Variants in SLC17A1 observed in about 807,000 individuals in gnomAD.
SLC17A1 encodes the protein solute carrier family 17 member 1.
Under a neutral mutation model 53.5 loss-of-function variants are expected in SLC17A1, and 51 were observed. The observed-to-expected ratio is 0.95, with a 90% CI of 0.76 to 1.20. The LOEUF (loss-of-function observed/expected upper bound fraction) is 1.20, where lower values mean the gene tolerates loss of function less well. Ranked by LOEUF, SLC17A1 falls within the 50% of genes most tolerant of loss-of-function variation. SLC17A1 has a pLI of 0.00. For missense variants in SLC17A1, 538 were observed against 568.2 expected, an observed-to-expected ratio of 0.95 and a Z score of 0.54; for synonymous variants, 179 against 198.8, an observed-to-expected ratio of 0.90 and a Z score of 0.84.
the SLC17A1 span, chr6:25,776,697 A>G: frequency 1.4e-5 from 22 of 1,613,856 alleles, no homozygotes; most frequent in Non-Finnish European, 1.9e-5. Flanking sequence ...CCTCAGACTC[A>G]TCACCATCAG....
intron 11 of SLC17A1, among the ~76,000 whole-genome samples, chr6:25,799,722 C>G (rs141592437): frequency 2.9e-4 from 44 of 152,298 alleles, no homozygotes; most frequent in African/African-American, 1.0e-3. Flanking sequence ...AACCACATTT[C>G]CTTCCACATC....
downstream of SLC17A1, chr6:25,782,833 A>G (rs1000216617): frequency 9.2e-5 from 14 of 152,192 alleles, no homozygotes; most frequent in African/African-American, 3.1e-4. Context: ...ATCTCCTAAA[A>G]TTTTGCACTA....
the SLC17A1 span, among the ~76,000 whole-genome samples, chr6:25,753,281 G>A: frequency 6.6e-6 from 1 of 152,150 alleles, no homozygotes; most frequent in Non-Finnish European, 1.5e-5. Flanking sequence ...ATTTAGTGAG[G>A]GAAGGACAGC....
downstream of SLC17A1, chr6:25,781,264 AAAAC>A (rs965937200): frequency 2.0e-5 from 3 of 152,034 alleles, no homozygotes; most frequent in Non-Finnish European, 4.4e-5. Context: ...AGAGGAAAGA[AAAAC>A]AAAAGAAAGA....
chr6:25,773,217 G>A, the SLC17A1 span: 1 of 1,342,420 alleles, frequency 7.4e-7, no homozygotes, highest in Middle Eastern at 1.8e-4. Flanking sequence ...TCATCTTAGA[G>A]TCAAACTGAA....
the SLC17A1 span, chr6:25,727,302 G>A: frequency 1.3e-5 from 21 of 1,573,988 alleles, no homozygotes; most frequent in South Asian, 2.4e-5. Flanking sequence ...AGCCTGCTAA[G>A]TAAACGTCAT....
At chr6:25,768,752 T>C in the SLC17A1 span, among the ~76,000 whole-genome samples, 1 of 152,180 alleles carries the variant, frequency 6.6e-6, no homozygotes, top group Admixed American at 6.5e-5. Flanking sequence ...CCCCTAATGC[T>C]TGTTCTGACC....
chr6:25,809,012 A>G (rs1440900195), intron 10 of SLC17A1, among the ~76,000 whole-genome samples: 2 of 152,004 alleles, frequency 1.3e-5, no homozygotes, highest in African/African-American at 4.8e-5. Flanking sequence ...GTCCATCAAC[A>G]GATGATTGGA....
chr6:25,727,226 A>G, the SLC17A1 span: 1 of 1,613,964 alleles, frequency 6.2e-7, no homozygotes, highest in Middle Eastern at 1.7e-4. Context: ...TACTGCCGGG[A>G]GAGCTGGCTA....
the SLC17A1 span, among the ~76,000 whole-genome samples, chr6:25,766,927 A>T: frequency 3.9e-5 from 6 of 152,236 alleles, no homozygotes; most frequent in African/African-American, 1.2e-4. Context: ...CAGAAAAAGG[A>T]CATTAGTTAA....
At chr6:25,803,035 C>T (rs1439365665) in intron 10 of SLC17A1, among the ~76,000 whole-genome samples, 18 of 147,200 alleles carry the variant, frequency 1.2e-4, no homozygotes, top group African/African-American at 4.5e-4. Context: ...CAAGCTCCAC[C>T]TCCCAGGTTC....
At chr6:25,822,689 C>A (rs186212005) in intron 3 of SLC17A1, among the ~76,000 whole-genome samples, 1 of 152,116 alleles carries the variant, frequency 6.6e-6, no homozygotes, top group Non-Finnish European at 1.5e-5. Flanking sequence ...ATACAACTCC[C>A]GTGAGTAGCC....
chr6:25,824,805 A>G (rs1308307519), intron 3 of SLC17A1, among the ~76,000 whole-genome samples: 2 of 151,942 alleles, frequency 1.3e-5, no homozygotes, highest in African/African-American at 4.8e-5. Flanking sequence ...CAGATTTAAC[A>G]AATAGAAAAC....
intron 6 of SLC17A1, among the ~76,000 whole-genome samples, chr6:25,815,641 C>G (rs1472608488): frequency 6.6e-6 from 1 of 152,138 alleles, no homozygotes; most frequent in African/African-American, 2.4e-5. Flanking sequence ...CAAGACACAG[C>G]TCTCCTCCAG....
chr6:25,773,253 T>C, the SLC17A1 span: 1 of 1,559,940 alleles, frequency 6.4e-7, no homozygotes, highest in Non-Finnish European at 8.8e-7. Flanking sequence ...CATCCAGTGC[T>C]AACTGGATCC....
the SLC17A1 span, chr6:25,726,382 G>T: frequency 6.2e-7 from 1 of 1,614,124 alleles, no homozygotes. Context: ...CAAATACACT[G>T]GTGCGCCTGC....
the SLC17A1 span, chr6:25,773,244 A>C: frequency 6.5e-7 from 1 of 1,539,918 alleles, no homozygotes; most frequent in South Asian, 1.1e-5. Context: ...ACTTCAATCC[A>C]TCCAGTGCTA....
intron 6 of SLC17A1, among the ~76,000 whole-genome samples, chr6:25,813,622 A>G (rs181439060): frequency 8.5e-4 from 130 of 152,320 alleles, no homozygotes; most frequent in Non-Finnish European, 1.6e-3. Flanking sequence ...GTTTATTTAT[A>G]TAGGTAAACT....
At chr6:25,824,326 G>T (rs557927835) in intron 3 of SLC17A1, among the ~76,000 whole-genome samples, 1 of 151,868 alleles carries the variant, frequency 6.6e-6, no homozygotes, top group South Asian at 2.1e-4. Context: ...ATTATCATGT[G>T]TATGCTGGTC....
Sources: gnomAD v4.1 joint callset for allele counts (sites outside exome capture counted in the v4.1 genomes callset) on GRCh38, gnomAD v4.1.1 for gene constraint, MANE v1.5 for transcripts, NCBI Gene and HGNC (gene_info 2026-07-23, HGNC 2026-07-21) for gene names.